The following SIPA1L3 variants were observed in gnomAD, a reference collection of about 807,000 sequenced individuals.
SIPA1L3 encodes signal-induced proliferation-associated 1-like protein 3.
In SIPA1L3, 59 loss-of-function variants were observed where a neutral mutation model predicts 150.1. The ratio of observed to expected loss-of-function variants is 0.39; its 90% confidence interval spans 0.32 to 0.49. The LOEUF (loss-of-function observed/expected upper bound fraction) is 0.49. Ranked by LOEUF, SIPA1L3 falls within the 20% of genes least tolerant of loss-of-function variation. The pLI, the probability that SIPA1L3 is intolerant of heterozygous loss-of-function variation, is 0.86. For synonymous variants in SIPA1L3, 1,070 were observed against 1,077.6 expected, an observed-to-expected ratio of 0.99 and a Z score of 0.14; for missense variants, 2,211 against 2,489.5, an observed-to-expected ratio of 0.89 and a Z score of 2.38.
rs542391401 is a variant in SIPA1L3, at chr19:38,046,813, C to T, written c.-311+17657C>T. ...TTTGCTGTCCCTTCTGCTGTACCCA[C>T]AGCTGCCCGCTCAGAGCAAGGTGGC... On this transcript the variant is annotated intron_variant, in intron 2 of 21. Coordinates refer to ENST00000222345, the MANE Select transcript of SIPA1L3 (RefSeq NM_015073.3). This position sits in a 1 kb window ranked among gnomAD's most constrained non-coding sequence, Gnocchi z 5.6. Among the ~76,000 whole-genome samples, 1 of 152,194 alleles carries T rather than the reference C, an allele frequency of 6.6e-6. No individual in the cohort carries two copies. Among genetic ancestry groups the T allele is most frequent in the African/African-American group, 2.4e-5 (1 of 41,462 alleles).
At position 38,206,261 on chromosome 19, in the gene SIPA1L3, C is replaced by T. The variant is rs537105933; in HGVS notation, c.*21C>T. 2 of 1,525,970 alleles carry T rather than the reference C, an allele frequency of 1.3e-6. No homozygotes were observed. The highest frequency in any genetic ancestry group is 2.7e-5 in the African/African-American group (2 of 72,828). The allele number at this position is 1,525,970 out of a possible 1,614,324, so 94.5% of individuals were successfully genotyped here. ...TCTGAGGTGGGAGGCCGCCGCCCGCCTTCGCTCCTTCCCCTCAGGCCGTGG... is the reference window on the plus strand; with the variant it reads ...TCTGAGGTGGGAGGCCGCCGCCCGCTTTCGCTCCTTCCCCTCAGGCCGTGG... On this transcript the variant is annotated 3_prime_UTR_variant, in exon 22 of 22. Coordinates refer to ENST00000222345, the MANE Select transcript of SIPA1L3 (RefSeq NM_015073.3).
At position 37,986,264 on chromosome 19, in the gene SIPA1L3, C is replaced by T. The variant is rs147532364; in HGVS notation, c.-378-42825C>T. 5.9e-4 allele frequency among the ~76,000 whole-genome samples: 90 copies of T among 152,376 alleles called. 1 individual carries two copies. Among genetic ancestry groups the T allele is most frequent in the African/African-American group, 2.1e-3 (89 of 41,586 alleles). On this transcript the variant is annotated intron_variant, in intron 1 of 21. Transcript: ENST00000222345. ...ATGTGCCTCACCTTAGCTTTCCCAT[C>T]TGTAGAATGGGACAGTAATTCCTGT...
chr19:38,170,843 A>G (rs1178027481), intron 15 of SIPA1L3, among the ~76,000 whole-genome samples: 2 of 152,024 alleles, frequency 1.3e-5, no homozygotes, highest in African/African-American at 4.8e-5. Flanking sequence ...TGAGGGGGAC[A>G]GGGAGGAGGG....
chr19:38,055,053 G>A (rs564913216), intron 2 of SIPA1L3, among the ~76,000 whole-genome samples: 8 of 152,198 alleles, frequency 5.3e-5, no homozygotes, highest in Non-Finnish European at 1.2e-4. Context: ...TAGGCATAGA[G>A]GCTCACATTC....
intron 16 of SIPA1L3, chr19:38,185,457 A>AC (rs1385043535): frequency 7.2e-6 from 1 of 138,464 alleles, no homozygotes; most frequent in African/African-American, 2.7e-5. Context: ...CCCAACCCGC[A>AC]CCCCCACTCT....
intron 2 of SIPA1L3, among the ~76,000 whole-genome samples, chr19:38,035,985 T>C (rs855606): frequency 0.87 from 131,707 of 152,250 alleles, 56,993 homozygotes; most frequent in East Asian, 0.94. Context: ...GGGAGCAGAG[T>C]TCATACAGCG....
Position 38,206,333 on chromosome 19 carries a change from C to A in SIPA1L3, c.*93C>A. 1 of 1,407,540 alleles carries A rather than the reference C, an allele frequency of 7.1e-7. No individual in the cohort carries two copies. The highest frequency in any genetic ancestry group is 9.5e-7 in the Non-Finnish European group (1 of 1,050,304). 87.2% of individuals were successfully genotyped at this position (1,407,540 alleles called of 1,614,324 possible). A position where few individuals can be genotyped will look rare whatever the true frequency, so the allele number is the denominator to read the frequency against. ...ACTCAGCTCCCAGCTGCCGGTGTGACCAAGATGACCCATCCAGGGCCCTCC... is the reference window on the plus strand; with the variant it reads ...ACTCAGCTCCCAGCTGCCGGTGTGAACAAGATGACCCATCCAGGGCCCTCC... On this transcript the variant is annotated 3_prime_UTR_variant, in exon 22 of 22. Transcript: ENST00000222345.
chr19:38,026,557 T>C (rs1418452597), intron 1 of SIPA1L3, among the ~76,000 whole-genome samples: 1 of 152,110 alleles, frequency 6.6e-6, no homozygotes, highest in Admixed American at 6.6e-5. Context: ...GAGAAATAGA[T>C]GCAGGGTGGG....
At chr19:38,079,559 ATT>A (rs35759392) in intron 2 of SIPA1L3, among the ~76,000 whole-genome samples, 32 of 141,410 alleles carry the variant, frequency 2.3e-4, no homozygotes, top group Admixed American at 3.5e-4. Flanking sequence ...GTTTTTGGGG[ATT>A]TTTTTTTTTT....
intron 1 of SIPA1L3, among the ~76,000 whole-genome samples, chr19:37,910,453 C>T (rs374423307): frequency 6.1e-4 from 91 of 150,340 alleles, no homozygotes; most frequent in Non-Finnish European, 1.1e-3. Flanking sequence ...CCCAGCTACC[C>T]GGGATGTTGA....
intron 9 of SIPA1L3, among the ~76,000 whole-genome samples, chr19:38,126,732 C>T (rs1240366219): frequency 1.3e-5 from 2 of 151,364 alleles, no homozygotes; most frequent in Admixed American, 1.3e-4. Context: ...GACGGGGTTT[C>T]ACCATGTTGC....
intron 15 of SIPA1L3, among the ~76,000 whole-genome samples, chr19:38,178,690 A>G (rs1367906812): frequency 6.6e-6 from 1 of 151,952 alleles, no homozygotes; most frequent in African/African-American, 2.4e-5. Flanking sequence ...GTTAGCCAGG[A>G]TGGTCTCGAT....
Position 38,205,335 on chromosome 19 carries a change from G to C in SIPA1L3, c.5203-762G>C, listed in dbSNP as rs1297945964. On this transcript the variant is annotated intron_variant, in intron 21 of 21. Coordinates refer to ENST00000222345, the MANE Select transcript of SIPA1L3 (RefSeq NM_015073.3). ...TAGCCGGGTGTGGTGGTGCACGCCTGTAATCCCAGCTACTTGGGAAGCTGG... is the reference window on the plus strand; with the variant it reads ...TAGCCGGGTGTGGTGGTGCACGCCTCTAATCCCAGCTACTTGGGAAGCTGG... 2.0e-5 allele frequency among the ~76,000 whole-genome samples: 3 copies of C among 151,882 alleles called. No homozygotes were observed. The East Asian group carries it at 5.8e-4, about 29-fold the overall frequency.
intron 2 of SIPA1L3, among the ~76,000 whole-genome samples, chr19:38,060,144 G>A (rs1318412597): frequency 6.6e-6 from 1 of 152,210 alleles, no homozygotes; most frequent in East Asian, 1.9e-4. Context: ...TGTGAAAGCT[G>A]TGTTCCCTAG....
At position 38,081,455 on chromosome 19, in the gene SIPA1L3, A is replaced by G. The variant is rs1243399909; in HGVS notation, c.-111A>G. On this transcript the variant is annotated 5_prime_UTR_variant, in exon 3 of 22. Coordinates refer to ENST00000222345, the MANE Select transcript of SIPA1L3 (RefSeq NM_015073.3). ...ACCTTCCTGTCAGGTTTCAGGGCCC[A>G]GCATCCTTCATCCTGGGCCTGGCTG... The G allele has an allele frequency of 9.6e-7, 1 of 1,040,994 alleles. No homozygotes were observed. The highest frequency in any genetic ancestry group is 1.4e-6 in the Non-Finnish European group (1 of 724,232). The allele number at this position is 1,040,994 out of a possible 1,614,324, so 64.5% of individuals were successfully genotyped here. A position where few individuals can be genotyped will look rare whatever the true frequency, so the allele number is the denominator to read the frequency against.
chr19:38,135,321 C>T (rs1971410924), intron 10 of SIPA1L3, among the ~76,000 whole-genome samples: 1 of 152,162 alleles, frequency 6.6e-6, no homozygotes, highest in Admixed American at 6.5e-5. Flanking sequence ...GGACTCCAGT[C>T]ATGCCCCGGG....
At chr19:38,033,673 A>ATGTGTG (rs55896571) in intron 2 of SIPA1L3, among the ~76,000 whole-genome samples, 3 of 29,556 alleles carry the variant, frequency 1.0e-4, no homozygotes, top group East Asian at 3.0e-3. Context: ...AGAGATACGT[A>ATGTGTG]TGTGTGTGTG....
intron 1 of SIPA1L3, among the ~76,000 whole-genome samples, chr19:38,023,247 G>T (rs1413935439): frequency 1.3e-5 from 2 of 152,202 alleles, no homozygotes; most frequent in Non-Finnish European, 2.9e-5. Flanking sequence ...GAGAGGGTGA[G>T]GCGGTGGGGC....
intron 18 of SIPA1L3, among the ~76,000 whole-genome samples, chr19:38,194,907 T>C (rs1428424804): frequency 6.6e-6 from 1 of 152,178 alleles, no homozygotes; most frequent in South Asian, 2.1e-4. Flanking sequence ...AAAAATTAGC[T>C]GGGCATGGTG....
Sources: gnomAD v4.1 joint callset for allele counts (sites outside exome capture counted in the v4.1 genomes callset) on GRCh38, gnomAD v4.1.1 for gene constraint, Gnocchi (gnomAD v3.1) non-coding constraint, MANE v1.5 for transcripts, NCBI Gene and HGNC (gene_info 2026-07-23, HGNC 2026-07-21) for gene names.